SPACA6: variants seen among roughly 807,000 people sequenced by gnomAD.
SPACA6 encodes sperm acrosome membrane-associated protein 6.
For missense variants in SPACA6, 8 were observed against 2.8 expected (o/e 2.88, Z -1.34); for synonymous variants, 6 against 1.5 (o/e 4.05, Z -2.21).
At chr19:51,691,595 G>A (rs2083373439), upstream of SPACA6, among the ~76,000 whole-genome samples, 1 of 151,982 alleles carries the variant, frequency 6.6e-6, no homozygotes, top group Admixed American at 6.5e-5. Flanking sequence ...CCAGCGCAGA[G>A]CCAGGGAGGG....
At chr19:51,696,967 T>C (rs1295261701) in intron 2 of SPACA6, among the ~76,000 whole-genome samples, 2 of 152,160 alleles carry the variant, frequency 1.3e-5, no homozygotes, top group East Asian at 3.9e-4. Flanking sequence ...CTCCTGTAGA[T>C]CCTCATAGAC....
intron 2 of SPACA6, among the ~76,000 whole-genome samples, chr19:51,701,212 A>G (rs768473791): frequency 2.0e-5 from 3 of 147,118 alleles, no homozygotes; most frequent in Admixed American, 6.8e-5. Flanking sequence ...ACAGTGAGAC[A>G]CTGTCTGAAT....
intron 2 of SPACA6, among the ~76,000 whole-genome samples, chr19:51,697,730 T>C (rs2083440485): frequency 1.3e-5 from 2 of 152,192 alleles, no homozygotes; most frequent in Non-Finnish European, 2.9e-5. Context: ...TGATCTTATT[T>C]GTATATATGT....
upstream of SPACA6, chr19:51,687,306 A>ATAT (rs1568611549): frequency 3.2e-5 from 4 of 125,872 alleles, no homozygotes; most frequent in Non-Finnish European, 7.2e-5. Flanking sequence ...TACATACATA[A>ATAT]GCAAATCTGT....
chr19:51,704,268 A>G lies in SPACA6; in HGVS notation c.731-2A>G. 2.5e-6 allele frequency: 1 copy of G among 400,566 alleles called. No individual in the cohort carries two copies. The highest frequency in any genetic ancestry group is 4.4e-6 in the Non-Finnish European group (1 of 225,926). 24.8% of individuals were successfully genotyped at this position (400,566 alleles called of 1,614,324 possible). On this transcript the variant is annotated splice_acceptor_variant, in intron 7 of 8. Transcript: ENST00000637797. LOFTEE classifies it high-confidence loss of function. ...GCCTGGCTGACGTGCGCGCCCCCGCAGTGACGGGCCCGCCCCCGCGGGCGG... is the reference window on the plus strand; with the variant it reads ...GCCTGGCTGACGTGCGCGCCCCCGCGGTGACGGGCCCGCCCCCGCGGGCGG...
chr19:51,698,889 A>AGGGC (rs199777779), intron 2 of SPACA6, among the ~76,000 whole-genome samples: 2,301 of 152,290 alleles, frequency 0.015, 17 homozygotes, highest in East Asian at 0.027. Context: ...TCAAGACTTA[A>AGGGC]TATCCCAGGG....
In SPACA6 at chr19:51,704,314, T is replaced by C. The variant is rs2083496598; in HGVS notation, c.775T>C (p.Phe259Leu). 1 of 400,652 alleles carries C rather than the reference T, an allele frequency of 2.5e-6. No individual in the cohort carries two copies. Among genetic ancestry groups the C allele is most frequent in the Non-Finnish European group, 4.4e-6 (1 of 226,078 alleles). The allele number at this position is 400,652 out of a possible 1,614,324, so 24.8% of individuals were successfully genotyped here. Residue 259 changes from phenylalanine to leucine, a missense_variant, in exon 8 of 9, where the codon TTC (phenylalanine) becomes CTC (leucine). Coordinates refer to ENST00000637797, the MANE Select transcript of SPACA6 (RefSeq NM_001316972.2). ...GGCGGAGACAGAGTTGCAGGCCTCG[T>C]TCCGGGAAGTGCTGCGCTGGGCGCC... is the stretch of plus-strand genomic sequence containing the variant. ...PRAETELQAS[F>L]REVLRWAPRD... is the part of the protein sequence containing the mutation.
chr19:51,704,172 ACTT>A lies in SPACA6; in HGVS notation c.720_722del (p.Phe241del), dbSNP rs2083494473. On this transcript the variant is annotated inframe_deletion, in exon 7 of 9. Transcript: ENST00000637797. ...GACCAGCGCCCCCTGGCCCGGCTCTACTTCTTTCTTAACGGTGGGGCGGGGCGC... is the reference window on the plus strand; with the variant it reads ...GACCAGCGCCCCCTGGCCCGGCTCTACTTTCTTAACGGTGGGGCGGGGCGC... The A allele has an allele frequency of 5.0e-6, 2 of 400,606 alleles. No homozygotes were observed. Among genetic ancestry groups the A allele is most frequent in the East Asian group, 3.6e-5 (1 of 28,000 alleles). The allele number at this position is 400,606 out of a possible 1,614,324, so 24.8% of individuals were successfully genotyped here.
intron 2 of SPACA6, among the ~76,000 whole-genome samples, chr19:51,695,752 A>G (rs978645296): frequency 6.6e-6 from 1 of 152,218 alleles, no homozygotes; most frequent in African/African-American, 2.4e-5. Flanking sequence ...GTGGGGCCGC[A>G]TGGGGGACAA....
intron 2 of SPACA6, among the ~76,000 whole-genome samples, chr19:51,697,895 A>G (rs2083441905): frequency 6.6e-6 from 1 of 152,144 alleles, no homozygotes; most frequent in Non-Finnish European, 1.5e-5. Flanking sequence ...TAATCTCCCC[A>G]TGCCTCCGTT....
intron 2 of SPACA6, among the ~76,000 whole-genome samples, chr19:51,701,139 T>C (rs1460273857): frequency 1.3e-5 from 2 of 152,068 alleles, no homozygotes; most frequent in African/African-American, 4.8e-5. Flanking sequence ...GGAGAATCAC[T>C]TGAACCCAGG....
At chr19:51,701,756 GAC>G (rs150664653) in intron 3 of SPACA6, 30 bp downstream of exon 3, 469 of 388,140 alleles carry the variant, frequency 1.2e-3, no homozygotes, top group East Asian at 2.0e-3. Flanking sequence ...TCCTTCCCCA[GAC>G]ACACACACAC....
upstream of SPACA6, chr19:51,688,216 G>C (rs896131740): frequency 6.6e-6 from 1 of 152,486 alleles, no homozygotes; most frequent in African/African-American, 2.4e-5. Context: ...TCCTGGCTTC[G>C]GAGGCTCTAG....
chr19:51,685,411 A>T (rs1393032337), upstream of SPACA6: 2 of 152,202 alleles, frequency 1.3e-5, no homozygotes, highest in Non-Finnish European at 2.9e-5. Flanking sequence ...CATATATATA[A>T]AATCAGATAT....
chr19:51,693,881 G>A, intron 1 of SPACA6, 141 bp downstream of exon 1: 1 of 397,978 alleles, frequency 2.5e-6, no homozygotes, highest in Non-Finnish European at 4.4e-6. Flanking sequence ...GAACAACAGA[G>A]ACTTAGGGAC....
chr19:51,710,083 CAAAAAA>C (rs1294769200), downstream of SPACA6, among the ~76,000 whole-genome samples: 2 of 151,382 alleles, frequency 1.3e-5, no homozygotes, highest in Non-Finnish European at 2.9e-5. Context: ...GAAAGGGTGT[CAAAAAA>C]AATAAAAATA....
At chr19:51,697,469 G>A (rs2083438472) in intron 2 of SPACA6, among the ~76,000 whole-genome samples, 1 of 152,174 alleles carries the variant, frequency 6.6e-6, no homozygotes, top group Non-Finnish European at 1.5e-5. Context: ...TTCATATTAA[G>A]TATCTTCCTA....
At chr19:51,687,498 A>AC (rs1015254049), upstream of SPACA6, 1 of 151,532 alleles carries the variant, frequency 6.6e-6, no homozygotes, top group Non-Finnish European at 1.5e-5. Flanking sequence ...TAAAAAAAAA[A>AC]AAAAAAACCA....
upstream of SPACA6, chr19:51,692,594 C>T (rs999082066): frequency 3.8e-6 from 2 of 522,294 alleles, no homozygotes; most frequent in Non-Finnish European, 7.8e-6. The surrounding 1 kb of genome is among the most constrained non-coding windows in gnomAD (Gnocchi z 5.6). Context: ...GGGCCGGGGG[C>T]CCGGACTCCT....
Sources: allele counts gnomAD v4.1 joint callset (sites outside exome capture counted in the v4.1 genomes callset), GRCh38; gene constraint gnomAD v4.1.1; non-coding constraint Gnocchi (gnomAD v3.1); transcripts MANE v1.5; gene names NCBI Gene and HGNC (gene_info 2026-07-23, HGNC 2026-07-21).